The following DENND1A variants were observed in gnomAD, a reference collection of about 807,000 sequenced individuals.
DENND1A encodes DENN domain-containing protein 1A.
A neutral mutation model predicts 113.7 loss-of-function variants in DENND1A; 51 were observed. That is an observed-to-expected ratio of 0.45 (90% confidence interval 0.36 to 0.57). The LOEUF (loss-of-function observed/expected upper bound fraction) is 0.57. DENND1A is among the 20% of genes least tolerant of loss of function. DENND1A has a pLI of 0.00. For synonymous variants in DENND1A, 565 were observed against 570.8 expected (o/e 0.99, Z 0.14); for missense variants, 1,258 against 1,395.9 (o/e 0.90, Z 1.57).
intron 1 of DENND1A, among the ~76,000 whole-genome samples, chr9:123,887,308 G>A (rs902329948): frequency 2.0e-5 from 3 of 152,144 alleles, no homozygotes; most frequent in Non-Finnish European, 4.4e-5. Flanking sequence ...GAGCCTGGGC[G>A]GGGCAAGGAA....
chr9:123,676,927 A>G (rs1440202177), intron 5 of DENND1A, 138 bp from the exon 6 acceptor site: 4 of 783,936 alleles, frequency 5.1e-6, no homozygotes, highest in Non-Finnish European at 8.5e-6. Context: ...GTGGAAACAC[A>G]AACTGGCGAA....
intron 12 of DENND1A, among the ~76,000 whole-genome samples, chr9:123,565,026 C>T (rs1445397251): frequency 5.2e-5 from 6 of 115,916 alleles, no homozygotes; most frequent in African/African-American, 1.3e-4. Context: ...CTCACTTACT[C>T]TGTTGCCCAG....
chr9:123,690,906 C>T (rs1316364259), intron 5 of DENND1A, among the ~76,000 whole-genome samples: 4 of 152,204 alleles, frequency 2.6e-5, no homozygotes, highest in Non-Finnish European at 4.4e-5. Context: ...ACTGGTCACA[C>T]GAGAGCCTCA....
At chr9:123,527,683 C>T (rs1402608137) in intron 13 of DENND1A, among the ~76,000 whole-genome samples, 3 of 152,154 alleles carry the variant, frequency 2.0e-5, no homozygotes, top group African/African-American at 7.2e-5. Flanking sequence ...TGCCTCTATG[C>T]TTGTCATTTT....
At chr9:123,818,372 G>A (rs1837862170) in intron 2 of DENND1A, among the ~76,000 whole-genome samples, 1 of 152,014 alleles carries the variant, frequency 6.6e-6, no homozygotes, top group African/African-American at 2.4e-5. Flanking sequence ...TCAAAGTGCT[G>A]GGATTACAGG....
intron 13 of DENND1A, among the ~76,000 whole-genome samples, chr9:123,485,186 T>A (rs565394601): frequency 6.6e-6 from 1 of 152,188 alleles, no homozygotes; most frequent in Non-Finnish European, 1.5e-5. Context: ...TGGGGAAACA[T>A]GTCTCTTGAA....
chr9:123,466,904 G>A (rs959104209), intron 13 of DENND1A, among the ~76,000 whole-genome samples: 9 of 150,774 alleles, frequency 6.0e-5, no homozygotes, highest in African/African-American at 1.2e-4. Flanking sequence ...AAAACTAGCC[G>A]GGCTTGGCTA....
intron 13 of DENND1A, among the ~76,000 whole-genome samples, chr9:123,533,128 G>A (rs2135402182): frequency 6.6e-6 from 1 of 152,296 alleles, no homozygotes; most frequent in African/African-American, 2.4e-5. Context: ...TCCTGCAAAA[G>A]GAAACTCACA....
intron 13 of DENND1A, among the ~76,000 whole-genome samples, chr9:123,539,882 C>CA (rs141372137): frequency 0.15 from 13,903 of 90,502 alleles, 926 homozygotes; most frequent in Middle Eastern, 0.23. Context: ...GACTCCGTCT[C>CA]AAAAAAAAAA....
chr9:123,452,201 A>G, intron 17 of DENND1A, 75 bp downstream of exon 17: 1 of 1,397,058 alleles, frequency 7.2e-7, no homozygotes, highest in Non-Finnish European at 1.0e-6. Context: ...TTCAAAAGTA[A>G]GTAAATAAAT....
chr9:123,557,280 G>C (rs1235530587), intron 13 of DENND1A, among the ~76,000 whole-genome samples: 2 of 152,230 alleles, frequency 1.3e-5, no homozygotes, highest in Admixed American at 1.3e-4. Flanking sequence ...GAGAGCAGGT[G>C]AGTGTGAGGG....
At chr9:123,695,829 A>T (rs1471249306) in intron 5 of DENND1A, among the ~76,000 whole-genome samples, 1 of 152,256 alleles carries the variant, frequency 6.6e-6, no homozygotes, top group Non-Finnish European at 1.5e-5. Context: ...GCAGTTAATA[A>T]TTCTAAAATT....
intron 13 of DENND1A, among the ~76,000 whole-genome samples, chr9:123,545,756 C>T (rs965800458): frequency 2.6e-5 from 4 of 152,038 alleles, no homozygotes; most frequent in African/African-American, 9.7e-5. Flanking sequence ...TGTGAGACAC[C>T]ACGCCCATTC....
At chr9:123,385,603 G>C (rs978486150) in intron 22 of DENND1A, among the ~76,000 whole-genome samples, 1 of 152,208 alleles carries the variant, frequency 6.6e-6, no homozygotes. Context: ...GCACCAGGGT[G>C]GGGGACATGG....
chr9:123,567,681 C>T (rs1289945525), intron 12 of DENND1A, among the ~76,000 whole-genome samples: 2 of 152,164 alleles, frequency 1.3e-5, no homozygotes, highest in Non-Finnish European at 2.9e-5. Flanking sequence ...CTCAGTCAGA[C>T]ATGTGAATGT....
intron 12 of DENND1A, among the ~76,000 whole-genome samples, chr9:123,568,713 C>T (rs142729177): frequency 3.3e-5 from 5 of 152,112 alleles, no homozygotes; most frequent in African/African-American, 4.8e-5. Context: ...GTGGCCAGGC[C>T]GGATTCATGG....
At chr9:123,649,177 C>A (rs2062507784) in intron 9 of DENND1A, among the ~76,000 whole-genome samples, 1 of 152,144 alleles carries the variant, frequency 6.6e-6, no homozygotes, top group South Asian at 2.1e-4. Context: ...ATCTATACAT[C>A]ATTTTGAAAT....
chr9:123,896,098 G>C (rs549994601), intron 1 of DENND1A, among the ~76,000 whole-genome samples: 12 of 152,058 alleles, frequency 7.9e-5, no homozygotes, highest in Admixed American at 4.6e-4. Flanking sequence ...AGGAATATGA[G>C]ACCAGCCTGG....
At chr9:123,657,693 T>C (rs2063030634) in intron 8 of DENND1A, among the ~76,000 whole-genome samples, 1 of 152,204 alleles carries the variant, frequency 6.6e-6, no homozygotes, top group Non-Finnish European at 1.5e-5. Flanking sequence ...TCAGTGGGTC[T>C]TGTTTACTGA....
Sources: allele counts gnomAD v4.1 joint callset (sites outside exome capture counted in the v4.1 genomes callset), GRCh38; gene constraint gnomAD v4.1.1; transcripts MANE v1.5; gene names NCBI Gene and HGNC (gene_info 2026-07-23, HGNC 2026-07-21).